Variants in CNKSR2 observed in about 807,000 individuals in gnomAD.
CNKSR2 encodes connector enhancer of kinase suppressor of Ras 2, also known as CNK homolog protein 2.
Under a neutral mutation model 84.4 loss-of-function variants are expected in CNKSR2, and 14 were observed. The ratio of observed to expected loss-of-function variants is 0.17; its 90% CI spans 0.11 to 0.26. The LOEUF is 0.26. Ranked by LOEUF, CNKSR2 falls within the 10% of genes least tolerant of loss-of-function variation. The probability of loss-of-function intolerance (pLI) is 1.00; values close to 1 mark genes in which losing one functional copy is unlikely to be tolerated. For synonymous variants in CNKSR2, 275 were observed against 277.9 expected (o/e 0.99, Z 0.10); for missense variants, 485 against 771.2 (o/e 0.63, Z 4.40).
intron 5 of CNKSR2, among the ~76,000 whole-genome samples, chrX:21,479,785 T>C (rs1601842304): frequency 9.1e-6 from 1 of 109,919 alleles, no homozygotes; most frequent in African/African-American, 3.3e-5. Flanking sequence ...TTCGAGGATG[T>C]AGGCAAATGA....
chrX:21,523,581 A>G (rs1167871806), intron 9 of CNKSR2, among the ~76,000 whole-genome samples: 1 of 110,803 alleles, frequency 9.0e-6, no homozygotes, highest in African/African-American at 3.3e-5. Flanking sequence ...AGGAGAAGCT[A>G]TCTTTTTGTA....
intron 4 of CNKSR2, among the ~76,000 whole-genome samples, chrX:21,443,127 T>G (rs1436424749): frequency 9.0e-6 from 1 of 110,554 alleles, no homozygotes; most frequent in East Asian, 2.8e-4. Context: ...AACCTGCACA[T>G]GTACCCCTGA....
chrX:21,592,761 G>A (rs1020914279), intron 15 of CNKSR2: 1 of 110,483 alleles, frequency 9.1e-6, no homozygotes, highest in African/African-American at 3.3e-5. Flanking sequence ...TTCGCTAAGT[G>A]TGTCTTATTT....
intron 20 of CNKSR2, among the ~76,000 whole-genome samples, chrX:21,636,067 G>A (rs1459102815): frequency 1.8e-5 from 2 of 111,071 alleles, no homozygotes; most frequent in African/African-American, 6.5e-5. Context: ...CCTATTAAAG[G>A]AAATAGGCAA....
intron 20 of CNKSR2, chrX:21,644,954 T>C (rs1269121541): frequency 8.9e-6 from 1 of 112,186 alleles, no homozygotes; most frequent in Non-Finnish European, 1.9e-5. Context: ...AAAGACTTTT[T>C]GGTATTTGAG....
At chrX:21,497,406 TA>T (rs2091511404) in intron 6 of CNKSR2, among the ~76,000 whole-genome samples, 1 of 111,945 alleles carries the variant, frequency 8.9e-6, no homozygotes. Flanking sequence ...AATAAGTTAA[TA>T]ACATACCAAT....
intron 11 of CNKSR2, among the ~76,000 whole-genome samples, chrX:21,540,879 A>G (rs1436941987): frequency 1.8e-5 from 2 of 112,374 alleles, no homozygotes; most frequent in Non-Finnish European, 3.8e-5. Flanking sequence ...TTCCTTGTAC[A>G]TTCATATTCT....
intron 5 of CNKSR2, among the ~76,000 whole-genome samples, chrX:21,488,424 CT>C (rs761458763): frequency 5.0e-4 from 56 of 111,594 alleles, no homozygotes; most frequent in Non-Finnish European, 9.0e-4. Context: ...TATAAAATAA[CT>C]TGTTTATAGT....
chrX:21,543,470 G>A (rs763872503), intron 11 of CNKSR2, among the ~76,000 whole-genome samples: 2 of 112,514 alleles, frequency 1.8e-5, no homozygotes, highest in Non-Finnish European at 3.8e-5. Context: ...TGGTGGTAAG[G>A]AACCATGTAA....
intron 1 of CNKSR2, among the ~76,000 whole-genome samples, chrX:21,418,281 G>T (rs2090449170): frequency 9.0e-6 from 1 of 111,369 alleles, no homozygotes; most frequent in Admixed American, 9.5e-5. Context: ...TTTTTGATTG[G>T]TTCATTGTTT....
intron 1 of CNKSR2, among the ~76,000 whole-genome samples, chrX:21,392,012 C>G (rs1326315408): frequency 8.9e-6 from 1 of 112,054 alleles, no homozygotes; most frequent in Admixed American, 9.4e-5. Context: ...CATAATGCTG[C>G]CAGTCTCCTT....
intron 7 of CNKSR2, 92 bp from the exon 8 acceptor site, chrX:21,501,428 T>C: frequency 2.2e-6 from 1 of 449,897 alleles, no homozygotes; most frequent in Non-Finnish European, 3.6e-6. Context: ...TTAAATCTAA[T>C]TTATGGAGAT....
chrX:21,583,963 A>G (rs1448421771), intron 13 of CNKSR2, among the ~76,000 whole-genome samples: 1 of 112,212 alleles, frequency 8.9e-6, no homozygotes, highest in Admixed American at 9.5e-5. Flanking sequence ...GGTTAAGAAG[A>G]TCAAAAATAC....
At chrX:21,517,257 C>T (rs1169325755) in intron 9 of CNKSR2, among the ~76,000 whole-genome samples, 1 of 109,834 alleles carries the variant, frequency 9.1e-6, no homozygotes, top group Non-Finnish European at 1.9e-5. Context: ...TGGTGGTATG[C>T]GCCTGTAGTC....
At chrX:21,608,690 T>G (rs887522626) in intron 19 of CNKSR2, among the ~76,000 whole-genome samples, 1 of 111,823 alleles carries the variant, frequency 8.9e-6, no homozygotes, top group Non-Finnish European at 1.9e-5. Flanking sequence ...CCAAGCTACA[T>G]GAAATCAGGA....
intron 1 of CNKSR2, among the ~76,000 whole-genome samples, chrX:21,383,220 T>G (rs566957176): frequency 1.8e-5 from 2 of 112,851 alleles, no homozygotes; most frequent in East Asian, 5.5e-4. Flanking sequence ...ATTTTTAAAT[T>G]TTAAAGATGT....
At chrX:21,648,067 T>A (rs1480843324) in intron 20 of CNKSR2, among the ~76,000 whole-genome samples, 1 of 111,934 alleles carries the variant, frequency 8.9e-6, no homozygotes, top group African/African-American at 3.2e-5. Flanking sequence ...CAAAAATATT[T>A]AACTGGAGTA....
intron 2 of CNKSR2, among the ~76,000 whole-genome samples, chrX:21,430,392 A>G (rs1394073671): frequency 9.0e-6 from 1 of 111,693 alleles, no homozygotes; most frequent in Admixed American, 9.5e-5. Context: ...ACCTTTCCTA[A>G]TAAATCATTT....
At chrX:21,421,457 G>T (rs2090495671) in intron 1 of CNKSR2, among the ~76,000 whole-genome samples, 1 of 109,281 alleles carries the variant, frequency 9.2e-6, no homozygotes, top group Admixed American at 9.8e-5. Flanking sequence ...AATTGGTGGA[G>T]CCTTCTGTTC....
Sources: gnomAD v4.1 joint callset for allele counts (sites outside exome capture counted in the v4.1 genomes callset) on GRCh38, gnomAD v4.1.1 for gene constraint, MANE v1.5 for transcripts, NCBI Gene and HGNC (gene_info 2026-07-23, HGNC 2026-07-21) for gene names.